The following RHOH variants were observed in gnomAD, a reference collection of about 807,000 sequenced individuals.
The protein encoded by RHOH is rho-related GTP-binding protein RhoH.
Under a neutral mutation model 13.8 loss-of-function variants are expected in RHOH, and 6 were observed. The ratio of observed to expected loss-of-function variants is 0.44; its 90% CI spans 0.24 to 0.86. The LOEUF (loss-of-function observed/expected upper bound fraction) is 0.86. Ranked by LOEUF, RHOH falls within the 40% of genes least tolerant of loss-of-function variation. The pLI, the probability that RHOH is intolerant of heterozygous loss-of-function variation, is 0.24. For missense variants in RHOH, 147 were observed against 244.5 expected, an observed-to-expected ratio of 0.60 and a Z score of 2.66; for synonymous variants, 117 against 103.0, an observed-to-expected ratio of 1.14 and a Z score of -0.82.
chr4:40,223,558 G>C (rs1048173273), intron 1 of RHOH, among the ~76,000 whole-genome samples: 1 of 147,472 alleles, frequency 6.8e-6, no homozygotes, highest in Non-Finnish European at 1.5e-5. Flanking sequence ...GTAGCCTCCC[G>C]GAGTCAAGTG....
chr4:40,243,605 C>T lies in RHOH; in HGVS notation c.219C>T (p.Tyr73=), dbSNP rs768275793. The T allele has an allele frequency of 3.1e-5, 50 of 1,614,092 alleles. No individual in the cohort carries two copies. The Admixed American group carries it at 8.2e-4, about 26-fold the overall frequency. The change falls in exon 3 of 3, where the codon TAC becomes TAT. Residue 73 remains tyrosine, a synonymous_variant. Transcript: ENST00000381799. The surrounding 1 kb of genome is among the most constrained non-coding windows in gnomAD (Gnocchi z 6.2). The part of the protein sequence containing the change: ...DAFRSIRPLS[Y]QQADVVLMCY... ...TCAGAAGCATCCGGCCCCTGTCCTA[C>T]CAGCAGGCAGACGTGGTGCTGATGT...
chr4:40,229,404 G>A (rs750671380), intron 1 of RHOH, among the ~76,000 whole-genome samples: 1 of 152,128 alleles, frequency 6.6e-6, no homozygotes, highest in Non-Finnish European at 1.5e-5. Flanking sequence ...GGAAGGCTGA[G>A]GAGGGTGGAT....
intron 1 of RHOH, among the ~76,000 whole-genome samples, chr4:40,201,654 C>T (rs1560682466): frequency 2.0e-5 from 3 of 151,974 alleles, no homozygotes; most frequent in Admixed American, 2.0e-4. Flanking sequence ...AGGCTCCCCA[C>T]CTTTTTTTTT....
intron 1 of RHOH, among the ~76,000 whole-genome samples, chr4:40,231,939 G>A (rs1445337258): frequency 6.6e-6 from 1 of 152,140 alleles, no homozygotes; most frequent in East Asian, 1.9e-4. Flanking sequence ...TTTCTTCTCT[G>A]TGCATCTCAA....
Position 40,229,634 on chromosome 4 carries a change from C to CAAA in RHOH, c.-330-13065_-330-13063dup, listed in dbSNP as rs367803825. 4.8e-5 allele frequency among the ~76,000 whole-genome samples: 3 copies of CAAA among 62,884 alleles called. No individual in the cohort carries two copies. In the East Asian group the frequency reaches 1.5e-3, roughly 31 times the overall value. 41.3% of individuals were successfully genotyped at this position (62,884 alleles called of 152,430 possible). On this transcript the variant is annotated intron_variant, in intron 1 of 2. Coordinates refer to ENST00000381799, the MANE Select transcript of RHOH (RefSeq NM_004310.5). ...GGGCAACAAGAGTGAAACGCCATCTCAAAAAAAAAAAAAAAAAGAAAGAAA... is the reference window on the plus strand; with the variant it reads ...GGGCAACAAGAGTGAAACGCCATCTCAAAAAAAAAAAAAAAAAAAAGAAAGAAA...
chr4:40,204,909 C>A (rs1724460020), intron 1 of RHOH, among the ~76,000 whole-genome samples: 1 of 152,230 alleles, frequency 6.6e-6, no homozygotes, highest in South Asian at 2.1e-4. Flanking sequence ...GGAAAGCAGT[C>A]TCTCAAGATG....
chr4:40,193,358 A>G, upstream of RHOH, among the ~76,000 whole-genome samples: 1 of 152,328 alleles, frequency 6.6e-6, no homozygotes, highest in East Asian at 1.9e-4. Flanking sequence ...CAGCGTCAGA[A>G]GGGACACGCC....
chr4:40,236,237 A>G (rs947900114), intron 1 of RHOH, among the ~76,000 whole-genome samples: 1 of 152,162 alleles, frequency 6.6e-6, no homozygotes, highest in Non-Finnish European at 1.5e-5. Flanking sequence ...TTGTGACATG[A>G]TAATCTCTAA....
chr4:40,201,149 C>G (rs1254760204), intron 1 of RHOH, among the ~76,000 whole-genome samples: 1 of 152,128 alleles, frequency 6.6e-6, no homozygotes. Context: ...ATGATTGAAT[C>G]ATTTGTATAC....
intron 1 of RHOH, among the ~76,000 whole-genome samples, chr4:40,227,888 C>T (rs893646052): frequency 6.6e-6 from 1 of 152,000 alleles, no homozygotes; most frequent in Non-Finnish European, 1.5e-5. Flanking sequence ...AAATATTATA[C>T]CCAGTGAGAG....
chr4:40,227,178 A>AAAAC (rs57161410), intron 1 of RHOH, among the ~76,000 whole-genome samples: 101,605 of 151,406 alleles, frequency 0.67, 35,053 homozygotes, highest in Non-Finnish European at 0.74. Context: ...AACAAAAACA[A>AAAAC]AAACAAACAA....
Position 40,243,490 on chromosome 4 carries a change from C to T in RHOH, c.104C>T (p.Pro35Leu), listed in dbSNP as rs142442402. 3 of 1,613,692 alleles carry T rather than the reference C, an allele frequency of 1.9e-6. No individual in the cohort carries two copies. The highest frequency in any genetic ancestry group is 2.5e-6 in the Non-Finnish European group (3 of 1,179,976). Residue 35 changes from proline (P) to leucine (L), a missense_variant, in exon 3 of 3, where the codon CCC becomes CTC. Coordinates refer to ENST00000381799, the MANE Select transcript of RHOH (RefSeq NM_004310.5). The surrounding 1 kb of genome is among the most constrained non-coding windows in gnomAD (Gnocchi z 6.2). ...TSETFPEAYK[P>L]TVYENTGVDV... The stretch of plus-strand genomic sequence containing the variant: ...GAGACCTTCCCGGAGGCCTACAAGC[C>T]CACAGTGTACGAGAACACAGGGGTG...
chr4:40,220,195 G>A (rs560278883), intron 1 of RHOH, among the ~76,000 whole-genome samples: 2 of 152,084 alleles, frequency 1.3e-5, no homozygotes, highest in South Asian at 2.1e-4. Context: ...GGCACCAGCC[G>A]CTTCCTCTGC....
chr4:40,219,096 G>C (rs919579117), intron 1 of RHOH, among the ~76,000 whole-genome samples: 1 of 152,118 alleles, frequency 6.6e-6, no homozygotes, highest in African/African-American at 2.4e-5. Context: ...GTACAGTATA[G>C]TATGCTGTAG....
chr4:40,213,904 G>A (rs9999244), intron 1 of RHOH, among the ~76,000 whole-genome samples: 4,319 of 152,174 alleles, frequency 0.028, 202 homozygotes, highest in African/African-American at 0.097. Flanking sequence ...TTACAGGTGT[G>A]TGCCACCACG....
At chr4:40,238,059 G>A (rs1016673920) in intron 1 of RHOH, among the ~76,000 whole-genome samples, 1 of 152,214 alleles carries the variant, frequency 6.6e-6, no homozygotes, top group Non-Finnish European at 1.5e-5. Flanking sequence ...TGAGCTCACA[G>A]TGAAGAGGGC....
At chr4:40,215,413 G>A (rs1725757010) in intron 1 of RHOH, among the ~76,000 whole-genome samples, 1 of 152,164 alleles carries the variant, frequency 6.6e-6, no homozygotes, top group Non-Finnish European at 1.5e-5. Flanking sequence ...TCTTCAGAGA[G>A]GGTTTTGAAA....
At position 40,199,892 on chromosome 4, in the gene RHOH, C is replaced by G. The variant is rs778439012; in HGVS notation, c.-331+2592C>G. ...TATAAATATTTTTTTGGATTAAAAG[C>G]CTCCTTTAAAAAAATGCAAATCCAC... On this transcript the variant is annotated intron_variant, in intron 1 of 2. Transcript: ENST00000381799. Among the ~76,000 whole-genome samples, 28 of 152,256 alleles carry G rather than the reference C, an allele frequency of 1.8e-4. 1 individual carries two copies. Among genetic ancestry groups the G allele is most frequent in the Admixed American group, 1.4e-3 (21 of 15,290 alleles).
At chr4:40,240,724 C>T (rs1335722402) in intron 1 of RHOH, among the ~76,000 whole-genome samples, 1 of 152,064 alleles carries the variant, frequency 6.6e-6, no homozygotes, top group Non-Finnish European at 1.5e-5. Flanking sequence ...TTGCAGTGAG[C>T]CGAGATCGAG....
Sources: gnomAD v4.1 joint callset for allele counts (sites outside exome capture counted in the v4.1 genomes callset) on GRCh38, gnomAD v4.1.1 for gene constraint, Gnocchi (gnomAD v3.1) non-coding constraint, MANE v1.5 for transcripts, NCBI Gene and HGNC (gene_info 2026-07-23, HGNC 2026-07-21) for gene names.